The following FSTL5 variants were observed in gnomAD, a reference collection of about 807,000 sequenced individuals.
The protein encoded by FSTL5 is follistatin-related protein 5.
A neutral mutation model predicts 89.1 loss-of-function variants in FSTL5; 62 were observed. The ratio of observed to expected loss-of-function variants is 0.70; its 90% CI spans 0.57 to 0.86. The LOEUF is 0.86. Ranked by LOEUF, FSTL5 falls within the 40% of genes least tolerant of loss-of-function variation. The pLI is 0.00. For missense variants in FSTL5, 1,057 were observed against 1,001.6 expected (o/e 1.06, Z -0.75); for synonymous variants, 383 against 346.2 (o/e 1.11, Z -1.18).
At chr4:161,832,582 G>T (rs920223844) in intron 4 of FSTL5, among the ~76,000 whole-genome samples, 2 of 152,022 alleles carry the variant, frequency 1.3e-5, no homozygotes, top group Non-Finnish European at 2.9e-5. Context: ...TATTCAGATA[G>T]TCAACTTCTT....
At chr4:161,840,255 G>C (rs1731170549) in intron 4 of FSTL5, among the ~76,000 whole-genome samples, 1 of 152,094 alleles carries the variant, frequency 6.6e-6, no homozygotes, top group African/African-American at 2.4e-5. Flanking sequence ...GGGAAGTAAA[G>C]AGTGAAAAGG....
chr4:161,673,155 T>C (rs1488503156), intron 6 of FSTL5, among the ~76,000 whole-genome samples: 1 of 152,102 alleles, frequency 6.6e-6, no homozygotes, highest in Non-Finnish European at 1.5e-5. Flanking sequence ...GTACTGGATT[T>C]AAATTACAGG....
At chr4:162,061,949 G>T (rs182846992) in intron 2 of FSTL5, among the ~76,000 whole-genome samples, 1 of 151,978 alleles carries the variant, frequency 6.6e-6, no homozygotes, top group East Asian at 1.9e-4. Context: ...TGTAAATAGT[G>T]CATGTACTAA....
chr4:161,587,353 ATAT>A, intron 8 of FSTL5, 99 bp downstream of exon 8: 4 of 1,029,294 alleles, frequency 3.9e-6, no homozygotes, highest in African/African-American at 1.6e-5. Flanking sequence ...AAAACTTGAA[ATAT>A]TATTAGTACC....
intron 2 of FSTL5, among the ~76,000 whole-genome samples, chr4:162,039,865 T>C (rs537488855): frequency 2.0e-5 from 3 of 152,006 alleles, no homozygotes; most frequent in Non-Finnish European, 4.4e-5. Flanking sequence ...ATCCATATTA[T>C]CCATAGGTCT....
At chr4:161,791,354 A>G (rs979316402) in intron 4 of FSTL5, among the ~76,000 whole-genome samples, 1 of 152,228 alleles carries the variant, frequency 6.6e-6, no homozygotes, top group African/African-American at 2.4e-5. Context: ...ATTGGTAAAG[A>G]ACAATTTGAG....
chr4:161,968,888 G>T (rs1272046992), intron 3 of FSTL5, among the ~76,000 whole-genome samples: 1 of 150,670 alleles, frequency 6.6e-6, no homozygotes, highest in African/African-American at 2.4e-5. Context: ...ACCTTAAGAA[G>T]CAAAGATGAT....
intron 4 of FSTL5, among the ~76,000 whole-genome samples, chr4:161,780,962 T>C (rs1043152766): frequency 8.5e-5 from 13 of 152,192 alleles, no homozygotes; most frequent in Non-Finnish European, 1.5e-4. Context: ...AAGGAAACCA[T>C]GTTTTATCTT....
chr4:161,782,608 A>C (rs1046068414), intron 4 of FSTL5, among the ~76,000 whole-genome samples: 18 of 152,254 alleles, frequency 1.2e-4, no homozygotes, highest in Admixed American at 7.2e-4. Flanking sequence ...AGTTAAATAA[A>C]AAGTGAGTGA....
intron 1 of FSTL5, among the ~76,000 whole-genome samples, chr4:162,131,616 T>G (rs1045761084): frequency 6.6e-6 from 1 of 152,174 alleles, no homozygotes; most frequent in African/African-American, 2.4e-5. Context: ...AATTACCCCA[T>G]GCAATTGGAG....
At chr4:161,946,258 T>C (rs910826947) in intron 3 of FSTL5, among the ~76,000 whole-genome samples, 13 of 152,176 alleles carry the variant, frequency 8.5e-5, no homozygotes, top group East Asian at 1.9e-4. Context: ...CTTTGAGTCA[T>C]AGTGATTAAT....
At chr4:161,684,678 T>G (rs984535165) in intron 6 of FSTL5, among the ~76,000 whole-genome samples, 1 of 152,184 alleles carries the variant, frequency 6.6e-6, no homozygotes, top group Non-Finnish European at 1.5e-5. Context: ...CTTTGTAGGA[T>G]GCACAGTTTG....
chr4:161,695,889 T>C (rs1415106700), intron 6 of FSTL5, among the ~76,000 whole-genome samples: 1 of 152,138 alleles, frequency 6.6e-6, no homozygotes, highest in Non-Finnish European at 1.5e-5. Context: ...ATTGAGAAGA[T>C]TTTTTCCCAT....
chr4:161,552,168 T>C (rs1283377251), intron 8 of FSTL5, among the ~76,000 whole-genome samples: 1 of 151,872 alleles, frequency 6.6e-6, no homozygotes, highest in African/African-American at 2.4e-5. Context: ...GTAAAAACAC[T>C]GTTTAAAATA....
chr4:161,740,743 G>T (rs1193181305), intron 6 of FSTL5, among the ~76,000 whole-genome samples: 1 of 152,140 alleles, frequency 6.6e-6, no homozygotes, highest in African/African-American at 2.4e-5. Context: ...CATAAAATAG[G>T]TATTTGGATC....
intron 7 of FSTL5, among the ~76,000 whole-genome samples, chr4:161,636,627 C>G (rs1295085965): frequency 1.4e-5 from 2 of 146,646 alleles, no homozygotes; most frequent in East Asian, 4.1e-4. Flanking sequence ...CCCACCCCAC[C>G]ACAGTCCCCA....
At chr4:161,744,770 T>C (rs1355531507) in intron 6 of FSTL5, among the ~76,000 whole-genome samples, 1 of 152,098 alleles carries the variant, frequency 6.6e-6, no homozygotes, top group Non-Finnish European at 1.5e-5. Context: ...ACTAACACTT[T>C]TAGAATTATA....
In FSTL5 at chr4:161,469,685, T is replaced by C. The variant is rs1733869537; in HGVS notation, c.1609-10366A>G. ...CGGAGTCTCCCTCTGTTGCCCAGGC[T>C]GGAGTGCAGTGGTGCCATCTCGGCT... is the stretch of plus-strand genomic sequence containing the variant. On this transcript the variant is annotated intron_variant, in intron 13 of 15. Transcript: ENST00000306100. 2.6e-5 allele frequency among the ~76,000 whole-genome samples: 4 copies of C among 151,850 alleles called. No individual in the cohort carries two copies. The South Asian group carries it at 6.2e-4, about 24-fold the overall frequency.
intron 3 of FSTL5, among the ~76,000 whole-genome samples, chr4:161,925,273 T>G (rs1183178076): frequency 6.6e-6 from 1 of 151,950 alleles, no homozygotes; most frequent in African/African-American, 2.4e-5. Flanking sequence ...ATTTACATAC[T>G]CTAGAAATAG....
Sources: allele counts gnomAD v4.1 joint callset (sites outside exome capture counted in the v4.1 genomes callset), GRCh38; gene constraint gnomAD v4.1.1; transcripts MANE v1.5; gene names NCBI Gene and HGNC (gene_info 2026-07-23, HGNC 2026-07-21).